The following GRIK3 variants were observed in gnomAD, a reference collection of about 807,000 sequenced individuals.
GRIK3 encodes the protein glutamate ionotropic receptor kainate type subunit 3, also known as glutamate receptor ionotropic, kainate 3.
GRIK3 carries 29 observed loss-of-function variants against 102.5 expected under a neutral mutation model. The observed-to-expected ratio is 0.28, with a 90% CI of 0.21 to 0.39. The LOEUF (loss-of-function observed/expected upper bound fraction) is 0.39. Ranked by LOEUF, GRIK3 falls within the 10% of genes least tolerant of loss-of-function variation. The pLI, the probability that GRIK3 is intolerant of heterozygous loss-of-function variation, is 1.00. For synonymous variants in GRIK3, 511 were observed against 504.9 expected (o/e 1.01, Z -0.16); for missense variants, 908 against 1,252.4 (o/e 0.73, Z 4.15).
At chr1:36,957,699 G>GT (rs1641937585) in intron 1 of GRIK3, among the ~76,000 whole-genome samples, 3 of 118,578 alleles carry the variant, frequency 2.5e-5, no homozygotes, top group Admixed American at 2.4e-4. Context: ...CCATGAGCCT[G>GT]TGTGCCCCGT....
At chr1:36,875,846 G>C (rs766271150) in intron 3 of GRIK3, among the ~76,000 whole-genome samples, 1 of 152,232 alleles carries the variant, frequency 6.6e-6, no homozygotes, top group African/African-American at 2.4e-5. Flanking sequence ...TATAGAAAGA[G>C]ATAACAACTG....
intron 3 of GRIK3, among the ~76,000 whole-genome samples, chr1:36,879,973 T>G (rs932776460): frequency 2.6e-5 from 4 of 152,216 alleles, no homozygotes; most frequent in Non-Finnish European, 5.9e-5. Context: ...CGTGCAGGTG[T>G]CTGTGTGTGA....
intron 1 of GRIK3, among the ~76,000 whole-genome samples, chr1:36,981,051 GTTAT>G (rs771967979): frequency 2.6e-4 from 40 of 152,206 alleles, no homozygotes; most frequent in Non-Finnish European, 5.7e-4. Context: ...TTTTACGTGG[GTTAT>G]TTTAGTTTAT....
At position 36,811,651 on chromosome 1, in the gene GRIK3, C is replaced by G. The variant is rs573896123; in HGVS notation, c.2092-5325G>C. On this transcript the variant is annotated intron_variant, in intron 13 of 15. Coordinates refer to ENST00000373091, the MANE Select transcript of GRIK3 (RefSeq NM_000831.4). ...TTTAGCTGGTCATCTCCAGTGTGCT[C>G]CAGTTAAGTAATCTGCCCCAGGAGG... 2.6e-5 allele frequency among the ~76,000 whole-genome samples: 4 copies of G among 152,254 alleles called. No individual in the cohort carries two copies. The East Asian group carries it at 7.7e-4, about 29-fold the overall frequency.
intron 13 of GRIK3, among the ~76,000 whole-genome samples, chr1:36,814,512 C>T (rs553033859): frequency 1.6e-5 from 2 of 124,796 alleles, no homozygotes; most frequent in Non-Finnish European, 3.4e-5. Context: ...TACATAGACC[C>T]CCCCCCCCCA....
chr1:36,864,913 A>C (rs893845918), intron 5 of GRIK3, among the ~76,000 whole-genome samples: 13 of 151,944 alleles, frequency 8.6e-5, no homozygotes, highest in African/African-American at 3.1e-4. Context: ...AACTGTGTGC[A>C]ACCTTGCTGC....
chr1:37,025,425 C>A (rs1454904713), intron 1 of GRIK3, among the ~76,000 whole-genome samples: 1 of 152,188 alleles, frequency 6.6e-6, no homozygotes, highest in East Asian at 1.9e-4. Flanking sequence ...TTAATGAGTG[C>A]TTTGGGTGAT....
At chr1:36,843,683 T>C (rs1002926255) in intron 9 of GRIK3, among the ~76,000 whole-genome samples, 3 of 152,218 alleles carry the variant, frequency 2.0e-5, no homozygotes, top group Admixed American at 6.5e-5. Context: ...AGTCTTCTTC[T>C]GACTCCCCTG....
chr1:36,967,320 T>TGCTTCTCACTCTGAA (rs1211930567), intron 1 of GRIK3, among the ~76,000 whole-genome samples: 1 of 152,262 alleles, frequency 6.6e-6, no homozygotes, highest in African/African-American at 2.4e-5. Flanking sequence ...ATCTCTGAAG[T>TGCTTCTCACTCTGAA]GCTTCTCACT....
intron 1 of GRIK3, among the ~76,000 whole-genome samples, chr1:36,911,712 C>T (rs1641347392): frequency 6.6e-6 from 1 of 152,186 alleles, no homozygotes; most frequent in African/African-American, 2.4e-5. Flanking sequence ...TGGCTGGAGG[C>T]TCTTGTGCTG....
At position 36,872,764 on chromosome 1, in the gene GRIK3, C is replaced by G. The variant is rs1557709666; in HGVS notation, c.551-395G>C. Among the ~76,000 whole-genome samples the G allele has an allele frequency of 6.6e-6, 1 of 152,222 alleles. No individual in the cohort carries two copies. Among genetic ancestry groups the G allele is most frequent in the African/African-American group, 2.4e-5 (1 of 41,450 alleles). The stretch of plus-strand genomic sequence containing the variant: ...TAACCCAGAATGGGTGTAAAGCCTT[C>G]AGGGCCTAAATCAGAGTTCACCCCT... On this transcript the variant is annotated intron_variant, in intron 3 of 15. Coordinates refer to ENST00000373091, the MANE Select transcript of GRIK3 (RefSeq NM_000831.4). The surrounding 1 kb of genome is among the most constrained non-coding windows in gnomAD (Gnocchi z 5.9).
intron 2 of GRIK3, among the ~76,000 whole-genome samples, chr1:36,882,886 C>T (rs1240718859): frequency 6.6e-6 from 1 of 152,222 alleles, no homozygotes; most frequent in Non-Finnish European, 1.5e-5. Flanking sequence ...CCAAGACTTA[C>T]GCCATTTAGG....
chr1:36,953,873 G>C (rs1322339835), intron 1 of GRIK3, among the ~76,000 whole-genome samples: 3 of 152,146 alleles, frequency 2.0e-5, no homozygotes, highest in Non-Finnish European at 4.4e-5. Flanking sequence ...AGCACAGAGG[G>C]GGCCCTCAAA....
chr1:37,034,393 C>T lies in GRIK3; in HGVS notation c.-285G>A, dbSNP rs929472166. Among the ~76,000 whole-genome samples the T allele has an allele frequency of 6.6e-6, 1 of 151,092 alleles. No individual in the cohort carries two copies. Among genetic ancestry groups the T allele is most frequent in the African/African-American group, 2.4e-5 (1 of 41,336 alleles). On this transcript the variant is annotated 5_prime_UTR_variant, in exon 1 of 16. Coordinates refer to ENST00000373091, the MANE Select transcript of GRIK3 (RefSeq NM_000831.4). Reference sequence around the variant, plus strand: ...CGGACTCGGCTCCGGCTCCGACTCGCGTCGGCTCGGCTCCCGCGCGGGCTC... The same window carrying T: ...CGGACTCGGCTCCGGCTCCGACTCGTGTCGGCTCGGCTCCCGCGCGGGCTC...
rs561381415 is a variant in GRIK3, at chr1:36,939,853, C to T, written c.116-48757G>A. 4.0e-5 allele frequency among the ~76,000 whole-genome samples: 6 copies of T among 148,334 alleles called. No individual in the cohort carries two copies. The South Asian group carries it at 1.1e-3, about 27-fold the overall frequency. On this transcript the variant is annotated intron_variant, in intron 1 of 15. Coordinates refer to ENST00000373091, the MANE Select transcript of GRIK3 (RefSeq NM_000831.4). ...GTTCAGGAAGGGCTGCCAGAGGAGG[C>T]CTGGTCCACTACCACTACCGTTGTC...
chr1:36,806,119 T>C lies in GRIK3; in HGVS notation c.2299A>G (p.Ile767Val). Residue 767 changes from isoleucine to valine, a missense_variant, in exon 14 of 16, where the codon ATC (isoleucine) becomes GTC (valine). By Grantham distance (29) the Ile-to-Val change is conservative. Transcript: ENST00000373091. This position sits in a 1 kb window ranked among gnomAD's most constrained non-coding sequence, Gnocchi z 4.0. ...CCTCGCTCACCCATGGGCGTGCCGATGCCGTAGCCCTTGGAGTCAATGAGG... is the reference window on the plus strand; with the variant it reads ...CCTCGCTCACCCATGGGCGTGCCGACGCCGTAGCCCTTGGAGTCAATGAGG... ...GGLIDSKGYG[I>V]GTPMGSPYRD... is the part of the protein sequence containing the mutation. The C allele has an allele frequency of 6.2e-7, 1 of 1,613,854 alleles. No homozygotes were observed.
chr1:36,857,285 C>T (rs1640664136), intron 7 of GRIK3, among the ~76,000 whole-genome samples: 3 of 152,116 alleles, frequency 2.0e-5, no homozygotes, highest in African/African-American at 7.2e-5. Flanking sequence ...AGCTGGAGGC[C>T]TGCTGAGGAA....
At chr1:36,882,578 C>G (rs1640993408) in intron 2 of GRIK3, among the ~76,000 whole-genome samples, 1 of 152,204 alleles carries the variant, frequency 6.6e-6, no homozygotes, top group South Asian at 2.1e-4. Flanking sequence ...GAGAATGCGG[C>G]TCGCACCCAG....
At chr1:36,835,351 C>T (rs1022824376) in intron 10 of GRIK3, among the ~76,000 whole-genome samples, 1 of 152,258 alleles carries the variant, frequency 6.6e-6, no homozygotes, top group Non-Finnish European at 1.5e-5. Context: ...ACCCAGAATG[C>T]ATGGGAGTCA....
Sources: allele counts gnomAD v4.1 joint callset (sites outside exome capture counted in the v4.1 genomes callset), GRCh38; gene constraint gnomAD v4.1.1; non-coding constraint Gnocchi (gnomAD v3.1); transcripts MANE v1.5; gene names NCBI Gene and HGNC (gene_info 2026-07-23, HGNC 2026-07-21).